TM9SF4: variants seen among roughly 807,000 people sequenced by gnomAD.
TM9SF4 encodes transmembrane 9 superfamily member 4, also known as dinucleotide oxidase disulfide thiol exchanger 3 superfamily member 4.
TM9SF4 carries 26 observed loss-of-function variants against 90.4 expected under a neutral mutation model. The observed-to-expected ratio is 0.29, with a 90% CI of 0.21 to 0.40. TM9SF4 has a LOEUF of 0.40. Ranked by LOEUF, TM9SF4 falls within the 10% of genes least tolerant of loss-of-function variation. The pLI is 1.00. For synonymous variants in TM9SF4, 293 were observed against 315.4 expected (o/e 0.93, Z 0.75); for missense variants, 549 against 834.8 (o/e 0.66, Z 4.22).
In TM9SF4 at chr20:32,165,338, A is replaced by G. The variant is rs778804299; in HGVS notation, c.1823A>G (p.Tyr608Cys). The G allele has an allele frequency of 6.2e-7, 1 of 1,614,168 alleles. No individual in the cohort carries two copies. The highest frequency in any genetic ancestry group is 1.1e-5 in the South Asian group (1 of 91,084). The stretch of plus-strand genomic sequence containing the variant: ...ATCCCCTCTCTCCTCTACTTTGGCT[A>G]CACGGCCCTCATGGTCTTGTCCTTC... ...EFIPSLLYFG[Y>C]TALMVLSFWL... Residue 608 changes from tyrosine (Y) to cysteine (C), a missense_variant, in exon 18 of 18, where the codon TAC becomes TGC. Physicochemically the swap from Tyr to Cys is radical, Grantham distance 194 (BLOSUM62 -2). Transcript: ENST00000398022.
intron 14 of TM9SF4, 89 bp from the exon 15 acceptor site, chr20:32,158,362 G>T: frequency 8.0e-7 from 1 of 1,248,520 alleles, no homozygotes; most frequent in South Asian, 1.2e-5. Context: ...ACTCGTGTAG[G>T]TGCTCTCTCT....
chr20:32,145,356 C>T lies in TM9SF4; in HGVS notation c.816C>T (p.Thr272=). The T allele has an allele frequency of 1.9e-6, 3 of 1,614,134 alleles. No individual in the cohort carries two copies. The highest frequency in any genetic ancestry group is 2.5e-6 in the Non-Finnish European group (3 of 1,180,022). Residue 272 remains threonine, a synonymous_variant, in exon 8 of 18, where the codon ACC becomes ACT. Coordinates refer to ENST00000398022, the MANE Select transcript of TM9SF4 (RefSeq NM_014742.4). ...CCTCTCGCTGGGACACTTACCTGAC[C>T]ATGAGTGACGTCCAGATCCACTGGT... is the stretch of plus-strand genomic sequence containing the variant. ...KWASRWDTYL[T]MSDVQIHWFS...
intron 1 of TM9SF4, among the ~76,000 whole-genome samples, chr20:32,125,434 C>T (rs953661965): frequency 6.6e-6 from 1 of 152,162 alleles, no homozygotes; most frequent in South Asian, 2.1e-4. Context: ...GCCCTCAAAG[C>T]CTGTGCTTTT....
intron 9 of TM9SF4, among the ~76,000 whole-genome samples, chr20:32,147,858 G>GAAA (rs74194241): frequency 6.4e-5 from 8 of 124,686 alleles, no homozygotes; most frequent in Non-Finnish European, 6.8e-5. Context: ...GTCTCCAAAG[G>GAAA]AAAAAAAAAA....
At chr20:32,158,071 C>G in intron 14 of TM9SF4, 102 bp downstream of exon 14, 2 of 1,478,600 alleles carry the variant, frequency 1.4e-6, no homozygotes, top group Non-Finnish European at 9.2e-7. Context: ...CCGCTTCAGC[C>G]GGCTCTAATA....
In TM9SF4 at chr20:32,115,806, G is replaced by GTTTTTTTTTTTTT. The variant is rs1243268586; in HGVS notation, c.15+6051_15+6052insTTTTTTTTTTTTT. On this transcript the variant is annotated intron_variant, in intron 1 of 17. Transcript: ENST00000398022. ...GTAATAACAAAACCTACCACTTTAA[G>GTTTTTTTTTTTTT]CTTTTTTTTTTTTTTTTTTTTTTTT... 3.8e-5 allele frequency among the ~76,000 whole-genome samples: 4 copies of GTTTTTTTTTTTTT among 106,306 alleles called. 1 individual carries two copies. The highest frequency in any genetic ancestry group is 5.5e-5 in the Non-Finnish European group (3 of 54,314). The allele number at this position is 106,306 out of a possible 152,430, so 69.7% of individuals were successfully genotyped here.
rs75358580 is a variant in TM9SF4, at chr20:32,139,117, C to T, written c.230-2380C>T. 5.7e-3 allele frequency among the ~76,000 whole-genome samples: 865 copies of T among 152,336 alleles called. 5 individuals carry two copies. The highest frequency in any genetic ancestry group is 0.01 in the Admixed American group (159 of 15,304). ...CAATCTCTCCCTCTCCTGAGTGCCTCCTCCACACTGAAAGCATTGCTTGCC... is the reference window on the plus strand; with the variant it reads ...CAATCTCTCCCTCTCCTGAGTGCCTTCTCCACACTGAAAGCATTGCTTGCC... On this transcript the variant is annotated intron_variant, in intron 3 of 17. Coordinates refer to ENST00000398022, the MANE Select transcript of TM9SF4 (RefSeq NM_014742.4).
At chr20:32,151,277 C>G (rs532566969) in intron 12 of TM9SF4, among the ~76,000 whole-genome samples, 2 of 152,292 alleles carry the variant, frequency 1.3e-5, no homozygotes, top group East Asian at 3.9e-4. Flanking sequence ...CCTGTCAGCC[C>G]ATTTTCCAGG....
chr20:32,129,325 T>C (rs1468816121), intron 1 of TM9SF4, among the ~76,000 whole-genome samples: 1 of 151,952 alleles, frequency 6.6e-6, no homozygotes, highest in Non-Finnish European at 1.5e-5. Context: ...AGACACTATA[T>C]TTACAAAAAA....
intron 17 of TM9SF4, among the ~76,000 whole-genome samples, chr20:32,163,939 C>G (rs2047064080): frequency 6.6e-6 from 1 of 152,080 alleles, no homozygotes; most frequent in Non-Finnish European, 1.5e-5. Flanking sequence ...ATGGCCCCAA[C>G]AGGACCAGGT....
chr20:32,126,895 C>T (rs953328725), intron 1 of TM9SF4, among the ~76,000 whole-genome samples: 23 of 152,112 alleles, frequency 1.5e-4, no homozygotes, highest in African/African-American at 3.4e-4. Flanking sequence ...GCCACCACGC[C>T]GGCTAATTTT....
chr20:32,147,308 C>T (rs893174493), intron 9 of TM9SF4, among the ~76,000 whole-genome samples: 1 of 151,650 alleles, frequency 6.6e-6, no homozygotes, highest in Non-Finnish European at 1.5e-5. Flanking sequence ...AAATGTAATA[C>T]CAAAAAAGTA....
intron 9 of TM9SF4, among the ~76,000 whole-genome samples, chr20:32,148,785 C>T (rs1383772111): frequency 1.3e-5 from 2 of 151,566 alleles, no homozygotes; most frequent in African/African-American, 4.9e-5. Context: ...ATTCTCCTGC[C>T]TCAGCCTCCC....
intron 14 of TM9SF4, 82 bp downstream of exon 14, chr20:32,158,051 A>G: frequency 6.4e-7 from 1 of 1,556,972 alleles, no homozygotes; most frequent in Admixed American, 1.8e-5. Flanking sequence ...TGCGGCAACC[A>G]GAGTTCCTGC....
intron 1 of TM9SF4, among the ~76,000 whole-genome samples, chr20:32,123,355 C>T (rs1365815826): frequency 6.6e-6 from 1 of 151,550 alleles, no homozygotes; most frequent in African/African-American, 2.4e-5. Flanking sequence ...AGTTTACCTA[C>T]ATCTAGGCTA....
intron 2 of TM9SF4, among the ~76,000 whole-genome samples, chr20:32,134,281 G>A (rs1332907440): frequency 6.6e-6 from 1 of 152,122 alleles, no homozygotes; most frequent in East Asian, 1.9e-4. Flanking sequence ...AGAGGGAGTG[G>A]GAGGCAACGT....
intron 1 of TM9SF4, among the ~76,000 whole-genome samples, chr20:32,123,580 G>A (rs1219335842): frequency 1.5e-4 from 23 of 151,096 alleles, no homozygotes; most frequent in Admixed American, 1.5e-3. Context: ...TCTTGGTCAA[G>A]TATGTTAAAT....
intron 1 of TM9SF4, among the ~76,000 whole-genome samples, chr20:32,123,866 A>ATATATATTTTTTTTTTTTTTTT: frequency 1.1e-5 from 1 of 93,964 alleles, no homozygotes; most frequent in African/African-American, 4.5e-5. Flanking sequence ...ATATATATAT[A>ATATATATTTTTTTTTTTTTTTT]TTTTTTTTTT....
intron 6 of TM9SF4, among the ~76,000 whole-genome samples, chr20:32,143,954 T>TC (rs1321451295): frequency 1.3e-5 from 2 of 151,818 alleles, no homozygotes; most frequent in Admixed American, 1.3e-4. Context: ...TTATCTTTTT[T>TC]TTTCCCCCCA....
Sources: allele counts gnomAD v4.1 joint callset (sites outside exome capture counted in the v4.1 genomes callset), GRCh38; gene constraint gnomAD v4.1.1; transcripts MANE v1.5; gene names NCBI Gene and HGNC (gene_info 2026-07-23, HGNC 2026-07-21).